RGS3: variants seen among roughly 807,000 people sequenced by gnomAD.
RGS3 encodes the protein regulator of G-protein signalling 3.
In RGS3, 80 loss-of-function variants were observed where a neutral mutation model predicts 132.6. The ratio of observed to expected loss-of-function variants is 0.60; its 90% confidence interval spans 0.50 to 0.73. RGS3 has a LOEUF of 0.73. RGS3 is among the 30% of genes least tolerant of loss of function. The pLI is 0.00. For synonymous variants in RGS3, 598 were observed against 620.6 expected, an observed-to-expected ratio of 0.96 and a Z score of 0.54; for missense variants, 1,382 against 1,530.8, an observed-to-expected ratio of 0.90 and a Z score of 1.62.
chr9:113,460,110 T>G (rs1829442010), upstream of RGS3: 1 of 508,854 alleles, frequency 2.0e-6, no homozygotes, highest in Non-Finnish European at 2.7e-6. Context: ...TCTGGTTTTC[T>G]GTATACATTT....
chr9:113,505,205 C>G, intron 10 of RGS3: 1 of 555,236 alleles, frequency 1.8e-6, no homozygotes, highest in East Asian at 2.9e-5. Context: ...AGGCCCTCCC[C>G]ACATCAGCCT....
chr9:113,523,936 C>G (rs762839459), intron 17 of RGS3, among the ~76,000 whole-genome samples: 4 of 152,184 alleles, frequency 2.6e-5, no homozygotes, highest in Non-Finnish European at 4.4e-5. Flanking sequence ...TGAGAACCGC[C>G]ACTCTCACTT....
intron 3 of RGS3, chr9:113,462,247 T>C (rs1829493261): frequency 6.5e-7 from 1 of 1,545,356 alleles, no homozygotes; most frequent in African/African-American, 1.4e-5. Flanking sequence ...GTGGACCTGC[T>C]CTTGTTAAAG....
chr9:113,460,075 T>C (rs1588130042), upstream of RGS3, among the ~76,000 whole-genome samples: 1 of 152,040 alleles, frequency 6.6e-6, no homozygotes, highest in East Asian at 1.9e-4. Flanking sequence ...ATATCTTGGC[T>C]TTCTCTTCCC....
chr9:113,572,962 G>A (rs1357729661), intron 19 of RGS3, among the ~76,000 whole-genome samples: 1 of 152,258 alleles, frequency 6.6e-6, no homozygotes, highest in Non-Finnish European at 1.5e-5. Flanking sequence ...TTGGATGCAG[G>A]AGAGGGAGCT....
chr9:113,456,487 C>T (rs545170646), upstream of RGS3, among the ~76,000 whole-genome samples: 3 of 152,332 alleles, frequency 2.0e-5, no homozygotes, highest in South Asian at 6.2e-4. Context: ...CCATCTTCTA[C>T]TCAATCACCA....
intron 19 of RGS3, among the ~76,000 whole-genome samples, chr9:113,557,464 A>G (rs1833615278): frequency 6.6e-6 from 1 of 152,222 alleles, no homozygotes; most frequent in Admixed American, 6.5e-5. Flanking sequence ...GGGTTAAACT[A>G]ATGGACTGAG....
rs766096327 is a variant in RGS3 at position 113,463,932 on chromosome 9, C to A, written c.415+1731C>A. 1.3e-6 allele frequency: 2 copies of A among 1,587,222 alleles called. No homozygotes were observed. The highest frequency in any genetic ancestry group is 1.7e-5 in the Admixed American group (1 of 58,210). On this transcript the variant is annotated intron_variant, in intron 3 of 24. Transcript: ENST00000350696. The surrounding 1 kb of genome is among the most constrained non-coding windows in gnomAD (Gnocchi z 4.6). ...AGGGGCTGCTTCACCCTGCTCCCAG[C>A]GCCCAGAAACGCAGCCCCTCGTGGT... is the stretch of plus-strand genomic sequence containing the variant.
intron 19 of RGS3, among the ~76,000 whole-genome samples, chr9:113,578,199 A>G (rs1167767197): frequency 6.6e-6 from 1 of 152,156 alleles, no homozygotes; most frequent in East Asian, 1.9e-4. Context: ...CAGGCCCATG[A>G]GAGGGTGGAG....
exon 6 of RGS3, chr9:113,484,228 T>C: frequency 6.2e-7 from 1 of 1,602,148 alleles, no homozygotes; most frequent in East Asian, 2.2e-5. Flanking sequence ...CGAGCACTTC[T>C]TCTTGTAAGA....
At chr9:113,564,051 C>A (rs967589973) in intron 19 of RGS3, among the ~76,000 whole-genome samples, 1 of 152,294 alleles carries the variant, frequency 6.6e-6, no homozygotes, top group South Asian at 2.1e-4. Context: ...CCAACTTGGG[C>A]CTCAGGGACA....
At chr9:113,479,322 G>A in intron 3 of RGS3, 169 bp from the exon 2 acceptor site, 2 of 699,104 alleles carry the variant, frequency 2.9e-6, no homozygotes, top group Non-Finnish European at 5.1e-6. Flanking sequence ...GATGTGGTGG[G>A]CGGGGCTGAA....
intron 7 of RGS3, among the ~76,000 whole-genome samples, chr9:113,490,619 A>G (rs1335618559): frequency 3.3e-5 from 4 of 120,430 alleles, no homozygotes; most frequent in Non-Finnish European, 5.3e-5. Flanking sequence ...TATGTATTAT[A>G]TTTATACCTC....
chr9:113,564,108 A>G (rs1833898330), intron 19 of RGS3, among the ~76,000 whole-genome samples: 1 of 152,204 alleles, frequency 6.6e-6, no homozygotes, highest in African/African-American at 2.4e-5. Context: ...AGCACCAGAG[A>G]ACAGCTCTGT....
At chr9:113,522,930 G>C in exon 17 of RGS3, 1 of 1,605,330 alleles carries the variant, frequency 6.2e-7, no homozygotes, top group Non-Finnish European at 8.5e-7. Context: ...GTCAACCCAG[G>C]TGACACTGTT....
intron 1 of RGS3, among the ~76,000 whole-genome samples, chr9:113,461,150 A>C (rs992351660): frequency 7.2e-5 from 11 of 151,976 alleles, no homozygotes; most frequent in African/African-American, 2.7e-4. Context: ...GGATATGTTG[A>C]GGTATGTGTA....
intron 8 of RGS3, among the ~76,000 whole-genome samples, chr9:113,496,189 C>T (rs1440893856): frequency 1.3e-5 from 2 of 152,190 alleles, no homozygotes; most frequent in East Asian, 3.9e-4. Flanking sequence ...GGGCCAGGTG[C>T]ACCCGTGGTC....
At chr9:113,597,078 A>G (rs756515379) in exon 25 of RGS3, 100 of 796,416 alleles carry the variant, frequency 1.3e-4, no homozygotes, top group Non-Finnish European at 1.9e-4. Context: ...GGACAGACGG[A>G]TAGACATACG....
chr9:113,543,709 A>G (rs72763803), intron 19 of RGS3, among the ~76,000 whole-genome samples: 18,015 of 152,238 alleles, frequency 0.12, 1,272 homozygotes, highest in African/African-American at 0.19. Flanking sequence ...AGACAGGTGC[A>G]GAGGACAGGA....
Sources: gnomAD v4.1 joint callset for allele counts (sites outside exome capture counted in the v4.1 genomes callset) on GRCh38, gnomAD v4.1.1 for gene constraint, Gnocchi (gnomAD v3.1) non-coding constraint, MANE v1.5 for transcripts, NCBI Gene and HGNC (gene_info 2026-07-23, HGNC 2026-07-21) for gene names.